Variants in USP43 observed in about 807,000 individuals in gnomAD.
The protein encoded by USP43 is ubiquitin specific peptidase 43.
In USP43, 33 loss-of-function variants were observed where a neutral mutation model predicts 90.7. The observed-to-expected ratio is 0.36, with a 90% CI of 0.28 to 0.49. USP43 has a LOEUF of 0.49. Among genes scored for constraint, USP43 ranks in the 20% least tolerant of loss-of-function variants. The probability of loss-of-function intolerance (pLI) is 0.98; values close to 1 mark genes in which losing one functional copy is unlikely to be tolerated. For synonymous variants in USP43, 598 were observed against 615.8 expected (o/e 0.97, Z 0.43); for missense variants, 1,274 against 1,476.4 (o/e 0.86, Z 2.25).
chr17:9,656,648 T>TAGC, intron 2 of USP43, 114 bp downstream of exon 2: 1 of 1,341,470 alleles, frequency 7.5e-7, no homozygotes, highest in Non-Finnish European at 9.9e-7. Context: ...TCCTATATAG[T>TAGC]CTGGCTACTA....
At chr17:9,672,285 TGCGCCTG>T (rs1267194074) in intron 3 of USP43, among the ~76,000 whole-genome samples, 1 of 152,252 alleles carries the variant, frequency 6.6e-6, no homozygotes, top group Admixed American at 6.5e-5. Flanking sequence ...CGTGAACCAC[TGCGCCTG>T]GCCATCGTTT....
In USP43 at chr17:9,656,600, C is replaced by A. The variant is rs146195922; in HGVS notation, c.636+66C>A. On this transcript the variant is annotated intron_variant, in intron 2 of 14. Coordinates refer to ENST00000285199, the MANE Select transcript of USP43 (RefSeq NM_153210.5). The stretch of plus-strand genomic sequence containing the variant: ...TTTTTTCTTTTAAATATTGACTCAG[C>A]TCCTCAAAACTGAATCTTGAAATTG... 1.3e-4 allele frequency: 193 copies of A among 1,500,208 alleles called. No homozygotes were observed. The African/African-American group carries it at 2.4e-3, about 18-fold the overall frequency. 92.9% of individuals were successfully genotyped at this position (1,500,208 alleles called of 1,614,324 possible).
At chr17:9,680,980 A>T (rs1286868901) in intron 6 of USP43, among the ~76,000 whole-genome samples, 1 of 143,212 alleles carries the variant, frequency 7.0e-6, no homozygotes, top group African/African-American at 2.6e-5. Context: ...TTAGTGAAGA[A>T]GACCCATATA....
intron 7 of USP43, 110 bp downstream of exon 7, chr17:9,683,068 G>A (rs1250380860): frequency 2.6e-5 from 36 of 1,399,560 alleles, no homozygotes; most frequent in Non-Finnish European, 3.3e-5. Flanking sequence ...TAATAAACTA[G>A]GAGCCAGAAG....
chr17:9,677,222 T>C (rs1356273410), intron 5 of USP43, among the ~76,000 whole-genome samples: 1 of 152,244 alleles, frequency 6.6e-6, no homozygotes, highest in Non-Finnish European at 1.5e-5. Flanking sequence ...ACAGGCGTCC[T>C]GTGAAGTAGA....
intron 12 of USP43, among the ~76,000 whole-genome samples, chr17:9,708,261 G>A (rs1443829825): frequency 2.0e-5 from 3 of 152,184 alleles, no homozygotes; most frequent in African/African-American, 7.2e-5. Flanking sequence ...TTTTCCAAAG[G>A]GGTGATAAAT....
At chr17:9,694,406 G>A (rs772722919) in intron 9 of USP43, among the ~76,000 whole-genome samples, 11 of 152,176 alleles carry the variant, frequency 7.2e-5, no homozygotes, top group Non-Finnish European at 1.3e-4. Context: ...ACTCAGTCTT[G>A]GAGATAACCC....
At chr17:9,698,038 G>A (rs917173268) in intron 9 of USP43, among the ~76,000 whole-genome samples, 2 of 152,142 alleles carry the variant, frequency 1.3e-5, no homozygotes, top group African/African-American at 4.8e-5. Context: ...ATCTGCTGAT[G>A]TGAGATGGTA....
Position 9,645,736 on chromosome 17 carries a change from TG to T in USP43, c.107del (p.Gly36AlafsTer68). 1 of 1,373,108 alleles carries T rather than the reference TG, an allele frequency of 7.3e-7. No homozygotes were observed. Among genetic ancestry groups the T allele is most frequent in the Non-Finnish European group, 9.4e-7 (1 of 1,069,266 alleles). The allele number at this position is 1,373,108 out of a possible 1,614,324, so 85.1% of individuals were successfully genotyped here. A position where few individuals can be genotyped will look rare whatever the true frequency, so the allele number is the denominator to read the frequency against. Reference sequence around the variant, plus strand: ...CTGTTCAGCCGCTTCCTGCTGGCGCTGGGCAGCCGCTCACGCCCCGGGGACT... The same window carrying T: ...CTGTTCAGCCGCTTCCTGCTGGCGCTGGCAGCCGCTCACGCCCCGGGGACT... ...RRLFSRFLLA[L>X]GSRSRPGDSP... On this transcript the variant is annotated frameshift_variant, in exon 1 of 15. Transcript: ENST00000285199. LOFTEE classifies it high-confidence loss of function. The surrounding 1 kb of genome is among the most constrained non-coding windows in gnomAD (Gnocchi z 6.8).
chr17:9,719,856 T>C (rs917708436), intron 14 of USP43, among the ~76,000 whole-genome samples: 2 of 152,018 alleles, frequency 1.3e-5, no homozygotes, highest in Non-Finnish European at 2.9e-5. Flanking sequence ...CACCTGAGGC[T>C]AGGAGCCCGA....
At chr17:9,647,264 C>T (rs934733271) in intron 1 of USP43, among the ~76,000 whole-genome samples, 11 of 151,968 alleles carry the variant, frequency 7.2e-5, no homozygotes, top group Non-Finnish European at 1.3e-4. Context: ...CCATGAGATG[C>T]CAACCCCCAC....
At chr17:9,645,368 A>G (rs1911284088), upstream of USP43, 1 of 252,594 alleles carries the variant, frequency 4.0e-6, no homozygotes, top group Non-Finnish European at 7.4e-6. This position sits in a 1 kb window ranked among gnomAD's most constrained non-coding sequence, Gnocchi z 6.8. Flanking sequence ...GAATCCGACC[A>G]CGAAGACTCC....
Position 9,700,159 on chromosome 17 carries a change from G to A in USP43, c.1458-13G>A. ...CCCGTGTTTTCTGATGGGCTCCCTTGTTCTCTTCTCAGGGTTTTGCATCTC... is the reference window on the plus strand; with the variant it reads ...CCCGTGTTTTCTGATGGGCTCCCTTATTCTCTTCTCAGGGTTTTGCATCTC... On this transcript the variant is annotated splice_polypyrimidine_tract_variant and intron_variant, in intron 9 of 14. Transcript: ENST00000285199. The A allele has an allele frequency of 6.3e-7, 1 of 1,594,260 alleles. No homozygotes were observed. Among genetic ancestry groups the A allele is most frequent in the Non-Finnish European group, 8.5e-7 (1 of 1,170,600 alleles).
chr17:9,649,974 A>T (rs1400869342), intron 1 of USP43, among the ~76,000 whole-genome samples: 3 of 152,206 alleles, frequency 2.0e-5, no homozygotes, highest in Non-Finnish European at 2.9e-5. Context: ...TCTGGAATTT[A>T]TATTAGCTTA....
Position 9,646,088 on chromosome 17 carries a change from C to G in USP43, c.456C>G (p.Arg152=). Residue 152 remains arginine (R), a synonymous_variant, in exon 1 of 15, where the codon CGC becomes CGG. Transcript: ENST00000285199. ...EVTEQLAALV[R]ALWTREYTPQ... is the part of the protein sequence containing the mutation. The stretch of plus-strand genomic sequence containing the variant: ...CCGAGCAGCTGGCGGCGCTGGTGCG[C>G]GCGCTCTGGACTCGCGAATACACGC... The G allele has an allele frequency of 3.3e-6, 5 of 1,504,768 alleles. No individual in the cohort carries two copies. The highest frequency in any genetic ancestry group is 3.5e-6 in the Non-Finnish European group (4 of 1,127,462). The allele number at this position is 1,504,768 out of a possible 1,614,324, so 93.2% of individuals were successfully genotyped here.
intron 2 of USP43, among the ~76,000 whole-genome samples, chr17:9,664,978 A>C (rs1227155613): frequency 6.6e-6 from 1 of 152,186 alleles, no homozygotes; most frequent in Non-Finnish European, 1.5e-5. Flanking sequence ...AAATAGCGTT[A>C]TATTATGAGT....
At chr17:9,693,371 T>C in intron 9 of USP43, 141 bp downstream of exon 9, 1 of 704,818 alleles carries the variant, frequency 1.4e-6, no homozygotes, top group Non-Finnish European at 2.4e-6. Context: ...GCCGCTATGT[T>C]AGGTCATTGG....
chr17:9,722,055 G>A (rs1367217314), intron 14 of USP43, among the ~76,000 whole-genome samples: 1 of 152,088 alleles, frequency 6.6e-6, no homozygotes, highest in Non-Finnish European at 1.5e-5. Context: ...CTTTAATCAA[G>A]TAATCCTTGC....
intron 14 of USP43, among the ~76,000 whole-genome samples, chr17:9,716,065 G>A (rs1916548436): frequency 1.3e-5 from 2 of 149,944 alleles, no homozygotes; most frequent in South Asian, 4.3e-4. Context: ...GTGTGCTTGT[G>A]TGTGTATTGT....
Sources: allele counts gnomAD v4.1 joint callset (sites outside exome capture counted in the v4.1 genomes callset), GRCh38; gene constraint gnomAD v4.1.1; non-coding constraint Gnocchi (gnomAD v3.1); transcripts MANE v1.5; gene names NCBI Gene and HGNC (gene_info 2026-07-23, HGNC 2026-07-21).